Variants in AKAP6 observed in about 807,000 individuals in gnomAD.
The protein encoded by AKAP6 is A-kinase anchor protein 6.
In AKAP6, 58 loss-of-function variants were observed where a neutral mutation model predicts 188.5. The observed-to-expected ratio is 0.31, with a 90% confidence interval of 0.25 to 0.38. The LOEUF (loss-of-function observed/expected upper bound fraction) is 0.38, where lower values mean the gene tolerates loss of function less well. Ranked by LOEUF, AKAP6 falls within the 10% of genes least tolerant of loss-of-function variation. AKAP6 has a pLI of 1.00. For missense variants in AKAP6, 2,710 were observed against 2,740.0 expected (o/e 0.99, Z 0.24); for synonymous variants, 989 against 998.6 (o/e 0.99, Z 0.18).
chr14:32,586,146 A>G (rs1351649335), intron 5 of AKAP6, among the ~76,000 whole-genome samples: 2 of 152,176 alleles, frequency 1.3e-5, no homozygotes, highest in African/African-American at 4.8e-5. Flanking sequence ...TAGTATTTGA[A>G]GGATATGCTG....
chr14:32,420,401 CCTT>C (rs1371646703), intron 1 of AKAP6, among the ~76,000 whole-genome samples: 1 of 151,632 alleles, frequency 6.6e-6, no homozygotes, highest in Non-Finnish European at 1.5e-5. Context: ...TCCCATCCCT[CCTT>C]TCTTCCTATA....
At position 32,829,612 on chromosome 14, in the gene AKAP6, CTT is replaced by C. The variant is rs201787252; in HGVS notation, c.*43-232_*43-231del. Among the ~76,000 whole-genome samples, 3 of 96,944 alleles carry C rather than the reference CTT, an allele frequency of 3.1e-5. No individual in the cohort carries two copies. The Admixed American group carries it at 3.2e-4, about 10-fold the overall frequency. The allele number at this position is 96,944 out of a possible 152,430, so 63.6% of individuals were successfully genotyped here. A position where few individuals can be genotyped will look rare whatever the true frequency, so the allele number is the denominator to read the frequency against. On this transcript the variant is annotated intron_variant, in intron 13 of 13. Coordinates refer to ENST00000280979, the MANE Select transcript of AKAP6 (RefSeq NM_004274.5). ...TTTCTTGTTTTCTTTGAAACCACGT[CTT>C]TTTAAAAAAAAAAAAAAATCAATGT...
At chr14:32,827,454 A>G (rs1313641933) in intron 13 of AKAP6, among the ~76,000 whole-genome samples, 3 of 152,132 alleles carry the variant, frequency 2.0e-5, no homozygotes, top group Non-Finnish European at 4.4e-5. Flanking sequence ...CAACAGTAAC[A>G]AAAATGTTTT....
intron 1 of AKAP6, among the ~76,000 whole-genome samples, chr14:32,341,083 T>G (rs1886873830): frequency 1.3e-5 from 2 of 152,262 alleles, no homozygotes; most frequent in Admixed American, 1.3e-4. Flanking sequence ...CTTTTGGTGG[T>G]CAACCTAAAG....
chr14:32,675,862 G>T (rs531548534), intron 7 of AKAP6, among the ~76,000 whole-genome samples: 10 of 152,342 alleles, frequency 6.6e-5, no homozygotes, highest in African/African-American at 2.4e-4. Flanking sequence ...CATATGTGAA[G>T]TATATCTCTT....
intron 1 of AKAP6, among the ~76,000 whole-genome samples, chr14:32,353,737 G>A (rs1887377848): frequency 6.6e-6 from 1 of 152,078 alleles, no homozygotes; most frequent in African/African-American, 2.4e-5. Flanking sequence ...ATCTCCTTAA[G>A]CTGATAAGCA....
At chr14:32,528,985 A>G (rs888681710) in intron 2 of AKAP6, among the ~76,000 whole-genome samples, 21 of 152,158 alleles carry the variant, frequency 1.4e-4, no homozygotes, top group Admixed American at 1.2e-3. Flanking sequence ...GCCTCTTCAC[A>G]TAAACTTTAG....
At chr14:32,677,993 A>G (rs868357607) in intron 7 of AKAP6, among the ~76,000 whole-genome samples, 2 of 152,244 alleles carry the variant, frequency 1.3e-5, no homozygotes, top group Non-Finnish European at 2.9e-5. Context: ...TGACAACATA[A>G]GGAAGAACAT....
chr14:32,685,597 G>A (rs139144450), intron 8 of AKAP6, among the ~76,000 whole-genome samples: 1,649 of 151,692 alleles, frequency 0.011, 30 homozygotes, highest in African/African-American at 0.037. Flanking sequence ...GGTGGTGGGC[G>A]CCTGTACTCC....
At chr14:32,339,977 GTT>G (rs1038522244) in intron 1 of AKAP6, among the ~76,000 whole-genome samples, 1 of 143,302 alleles carries the variant, frequency 7.0e-6, no homozygotes, top group African/African-American at 2.5e-5. Flanking sequence ...AGGTGTTAGG[GTT>G]TTTTTTTTTT....
chr14:32,442,109 T>C (rs1890594604), intron 2 of AKAP6, among the ~76,000 whole-genome samples: 1 of 152,224 alleles, frequency 6.6e-6, no homozygotes, highest in African/African-American at 2.4e-5. Flanking sequence ...ATTGCATTCA[T>C]AGAGTATCTA....
At chr14:32,659,883 C>A (rs1888612267) in intron 7 of AKAP6, among the ~76,000 whole-genome samples, 1 of 152,130 alleles carries the variant, frequency 6.6e-6, no homozygotes, top group Non-Finnish European at 1.5e-5. Context: ...TGTCTTCATT[C>A]AGCTGTAGAG....
At chr14:32,788,611 A>C (rs777969508) in intron 12 of AKAP6, among the ~76,000 whole-genome samples, 3 of 151,752 alleles carry the variant, frequency 2.0e-5, no homozygotes, top group African/African-American at 7.3e-5. Flanking sequence ...TGAGCGTGCA[A>C]CCCCCCCCAG....
intron 8 of AKAP6, among the ~76,000 whole-genome samples, chr14:32,683,977 G>T (rs1889802499): frequency 6.6e-6 from 1 of 152,210 alleles, no homozygotes. Context: ...GGCTATTTGA[G>T]AATGGACCTC....
intron 1 of AKAP6, among the ~76,000 whole-genome samples, chr14:32,402,886 C>T (rs146794330): frequency 0.022 from 3,290 of 152,156 alleles, 67 homozygotes; most frequent in Middle Eastern, 0.044. Context: ...CATGCCACCA[C>T]ACCTGGCTAA....
intron 4 of AKAP6, among the ~76,000 whole-genome samples, chr14:32,550,948 T>A (rs1433949623): frequency 6.6e-6 from 1 of 152,106 alleles, no homozygotes; most frequent in Non-Finnish European, 1.5e-5. Context: ...TCCAATAGAG[T>A]AGCCAGAGTG....
intron 1 of AKAP6, among the ~76,000 whole-genome samples, chr14:32,371,448 A>C (rs998974212): frequency 3.3e-5 from 5 of 152,152 alleles, no homozygotes; most frequent in Non-Finnish European, 7.4e-5. Context: ...AAAACCAAAA[A>C]CCAAAAGAAT....
At chr14:32,671,981 G>A (rs576476065) in intron 7 of AKAP6, among the ~76,000 whole-genome samples, 1 of 152,062 alleles carries the variant, frequency 6.6e-6, no homozygotes, top group Non-Finnish European at 1.5e-5. Flanking sequence ...TTAATCCTTC[G>A]AGTTGATTAG....
intron 1 of AKAP6, among the ~76,000 whole-genome samples, chr14:32,355,284 TTGTTGTA>T (rs1887441384): frequency 6.6e-6 from 1 of 152,200 alleles, no homozygotes; most frequent in Admixed American, 6.5e-5. Context: ...AAATTTTCTG[TTGTTGTA>T]TGTAAATCCT....
Sources: gnomAD v4.1 joint callset for allele counts (sites outside exome capture counted in the v4.1 genomes callset) on GRCh38, gnomAD v4.1.1 for gene constraint, MANE v1.5 for transcripts, NCBI Gene and HGNC (gene_info 2026-07-23, HGNC 2026-07-21) for gene names.